SOX6: variants seen among roughly 807,000 people sequenced by gnomAD.
The protein encoded by SOX6 is SRY-box transcription factor 6.
Under a neutral mutation model 97.8 loss-of-function variants are expected in SOX6, and 11 were observed. The observed-to-expected ratio is 0.11, with a 90% CI of 0.07 to 0.19. SOX6 has a LOEUF of 0.19. Among genes scored for constraint, SOX6 ranks in the 10% least tolerant of loss-of-function variants. SOX6 has a pLI of 1.00. For synonymous variants in SOX6, 360 were observed against 371.4 expected (o/e 0.97, Z 0.35); for missense variants, 810 against 1,039.5 (o/e 0.78, Z 3.04).
intron 7 of SOX6, among the ~76,000 whole-genome samples, chr11:16,106,489 G>A (rs1849090377): frequency 6.6e-6 from 1 of 151,890 alleles, no homozygotes; most frequent in South Asian, 2.1e-4. Flanking sequence ...TGGGGGAAGG[G>A]ATAGTCTTAT....
intron 1 of SOX6, among the ~76,000 whole-genome samples, chr11:16,407,764 A>C (rs912767491): frequency 6.6e-6 from 1 of 152,162 alleles, no homozygotes; most frequent in African/African-American, 2.4e-5. Flanking sequence ...AGCTAGCACT[A>C]ACACCCGAGG....
chr11:16,473,191 A>G (rs1860173002), intron 1 of SOX6, among the ~76,000 whole-genome samples: 1 of 152,214 alleles, frequency 6.6e-6, no homozygotes, highest in African/African-American at 2.4e-5. Flanking sequence ...CAGATGGGGA[A>G]GAGTATAGTA....
intron 4 of SOX6, among the ~76,000 whole-genome samples, chr11:16,537,093 C>T (rs1861321250): frequency 6.6e-6 from 1 of 152,148 alleles, no homozygotes; most frequent in Admixed American, 6.5e-5. Flanking sequence ...CCCTCTGGGA[C>T]AAAGCTTCCA....
intron 1 of SOX6, chr11:16,397,401 T>G (rs1297504964): frequency 6.6e-6 from 1 of 151,964 alleles, no homozygotes; most frequent in African/African-American, 2.4e-5. Context: ...ATATCAACAT[T>G]CTAATCATTT....
intron 1 of SOX6, among the ~76,000 whole-genome samples, chr11:16,399,787 C>T (rs1222354933): frequency 1.2e-4 from 18 of 151,330 alleles, no homozygotes; most frequent in Non-Finnish European, 3.0e-5. Flanking sequence ...TTCAGACTGA[C>T]TTGAAGAAGT....
intron 3 of SOX6, among the ~76,000 whole-genome samples, chr11:16,629,636 C>T (rs2133994687): frequency 6.6e-6 from 1 of 152,036 alleles, no homozygotes; most frequent in South Asian, 2.1e-4. Context: ...AGTCCTTCCT[C>T]CTCCATTTTT....
chr11:16,715,222 A>G (rs1169888090), intron 2 of SOX6, among the ~76,000 whole-genome samples: 1 of 152,222 alleles, frequency 6.6e-6, no homozygotes, highest in Non-Finnish European at 1.5e-5. Flanking sequence ...ATTTTTGAAT[A>G]AAAGAATCTA....
At chr11:16,108,943 G>C (rs1480659359) in intron 7 of SOX6, among the ~76,000 whole-genome samples, 1 of 151,964 alleles carries the variant, frequency 6.6e-6, no homozygotes, top group Non-Finnish European at 1.5e-5. Flanking sequence ...GGTAGTCCTT[G>C]CTCTCTGGAA....
intron 1 of SOX6, among the ~76,000 whole-genome samples, chr11:16,350,461 A>G (rs72869994): frequency 0.014 from 2,078 of 152,296 alleles, 20 homozygotes; most frequent in Non-Finnish European, 0.022. Flanking sequence ...ACTTTCAAAT[A>G]ATATAATACA....
intron 3 of SOX6, among the ~76,000 whole-genome samples, chr11:16,239,233 T>C (rs1853112087): frequency 6.6e-6 from 1 of 152,066 alleles, no homozygotes; most frequent in Non-Finnish European, 1.5e-5. Flanking sequence ...GACACTAAAA[T>C]GTGCCAGTTT....
chr11:16,039,956 G>A (rs553422581), intron 12 of SOX6, among the ~76,000 whole-genome samples: 50 of 152,020 alleles, frequency 3.3e-4, no homozygotes, highest in African/African-American at 1.2e-3. Flanking sequence ...GAAGAGATTA[G>A]ATCTAGAAGG....
At chr11:16,216,805 TATCA>T (rs1852386614) in intron 4 of SOX6, among the ~76,000 whole-genome samples, 2 of 152,244 alleles carry the variant, frequency 1.3e-5, no homozygotes, top group Admixed American at 6.5e-5. Context: ...TTCTTCCTAA[TATCA>T]AAACTGAATA....
intron 4 of SOX6, among the ~76,000 whole-genome samples, chr11:16,497,270 G>A (rs1860616360): frequency 6.6e-6 from 1 of 152,070 alleles, no homozygotes. Context: ...ACTGTTAGAA[G>A]GAAAACTAAC....
intron 13 of SOX6, 54 bp from the exon 14 acceptor site, chr11:15,989,284 T>C (rs550302296): frequency 2.7e-6 from 4 of 1,468,494 alleles, no homozygotes; most frequent in South Asian, 1.3e-5. Context: ...ATTTTGTGGA[T>C]AATGTCACAC....
intron 4 of SOX6, among the ~76,000 whole-genome samples, chr11:16,515,634 C>T (rs1400878762): frequency 1.9e-5 from 2 of 106,278 alleles, no homozygotes; most frequent in African/African-American, 7.0e-5. Context: ...TGCCTATGTC[C>T]TGAATGGTAT....
intron 4 of SOX6, among the ~76,000 whole-genome samples, chr11:16,588,938 T>C (rs930108974): frequency 2.0e-5 from 3 of 152,106 alleles, no homozygotes; most frequent in African/African-American, 7.2e-5. Context: ...GGCAGGAGGA[T>C]CACTTGAGCC....
chr11:16,671,186 C>T lies in SOX6; in HGVS notation n.429+43644G>A, dbSNP rs541071110. Among the ~76,000 whole-genome samples the T allele has an allele frequency of 7.2e-5, 11 of 152,314 alleles. No individual in the cohort carries two copies. The South Asian group carries it at 1.7e-3, about 23-fold the overall frequency. The stretch of plus-strand genomic sequence containing the variant: ...CTGCAGTTAAAGAAATAGCCACATG[C>T]AGAGATGAGGAAGAACCAAGACAAT... On this transcript the variant is annotated intron_variant and non_coding_transcript_variant, in intron 3 of 5. Coordinates refer to the SOX6 transcript ENST00000524520.
intron 13 of SOX6, among the ~76,000 whole-genome samples, chr11:16,010,888 T>TGATAAGAAATTCACTCAGTGTTTTATCAA (rs1854700307): frequency 6.6e-6 from 1 of 152,060 alleles, no homozygotes; most frequent in South Asian, 2.1e-4. Context: ...ATCATCTTTC[T>TGATAAGAAATTCACTCAGTGTTTTATCAA]GATAAGAAAT....
intron 3 of SOX6, among the ~76,000 whole-genome samples, chr11:16,623,687 A>G (rs7935756): frequency 0.44 from 67,295 of 152,042 alleles, 15,898 homozygotes; most frequent in East Asian, 0.85. Flanking sequence ...GAATTTTTAC[A>G]GTTTCACGTC....
Sources: gnomAD v4.1 joint callset for allele counts (sites outside exome capture counted in the v4.1 genomes callset) on GRCh38, gnomAD v4.1.1 for gene constraint, MANE v1.5 for transcripts, NCBI Gene and HGNC (gene_info 2026-07-23, HGNC 2026-07-21) for gene names.